The following RNF31 variants were observed in gnomAD, a reference collection of about 807,000 sequenced individuals.
RNF31 encodes ring finger protein 31.
RNF31 carries 38 observed loss-of-function variants against 133.6 expected under a neutral mutation model. That is an observed-to-expected ratio of 0.28 (90% CI 0.22 to 0.37). RNF31 has a LOEUF of 0.37. Ranked by LOEUF, RNF31 falls within the 10% of genes least tolerant of loss-of-function variation. The pLI is 1.00. For missense variants in RNF31, 1,118 were observed against 1,394.1 expected (o/e 0.80, Z 3.15); for synonymous variants, 582 against 552.3 (o/e 1.05, Z -0.75).
At chr14:24,159,812 C>T (rs1375247160) in intron 18 of RNF31, 52 bp from the exon 19 acceptor site, 1 of 1,450,072 alleles carries the variant, frequency 6.9e-7, no homozygotes, top group Non-Finnish European at 9.7e-7. Flanking sequence ...AGTTCTGGAG[C>T]TTTGTGGTCA....
chr14:24,151,707 A>G lies in RNF31; in HGVS notation c.1923+37A>G, dbSNP rs906915698. The G allele has an allele frequency of 6.2e-7, 1 of 1,604,536 alleles. No homozygotes were observed. Among genetic ancestry groups the G allele is most frequent in the Non-Finnish European group, 8.5e-7 (1 of 1,176,590 alleles). ...AGGCAAGAAGCCCAAGGGTCCACCT[A>G]GAGGAGCAAGAGGGAGCTGAGGGGA... On this transcript the variant is annotated intron_variant, in intron 10 of 20. Transcript: ENST00000324103. The surrounding 1 kb of genome is among the most constrained non-coding windows in gnomAD (Gnocchi z 5.3).
chr14:24,146,894 A>T (rs2038172785), upstream of RNF31: 3 of 491,654 alleles, frequency 6.1e-6, no homozygotes, highest in South Asian at 6.9e-5. Context: ...GCCAACTGGA[A>T]GTCCAGGGTT....
At position 24,157,887 on chromosome 14, in the gene RNF31, G is replaced by A. The variant is rs761228055; in HGVS notation, c.2728-11G>A. ...CTCCAACTTCCTCTCTCCCATCTGG[G>A]TTTCTGCCAGAAATGTCCAGAGCCT... On this transcript the variant is annotated splice_polypyrimidine_tract_variant and intron_variant, in intron 16 of 20. Coordinates refer to ENST00000324103, the MANE Select transcript of RNF31 (RefSeq NM_017999.5). 1.2e-6 allele frequency: 2 copies of A among 1,611,782 alleles called. No homozygotes were observed. Among genetic ancestry groups the A allele is most frequent in the Admixed American group, 3.3e-5 (2 of 59,966 alleles).
intron 18 of RNF31, chr14:24,158,861 A>G (rs62001568): frequency 0.19 from 27,792 of 149,622 alleles, 4,263 homozygotes; most frequent in African/African-American, 0.42. Context: ...GTGAAACCCC[A>G]TCTCTACTAA....
Position 24,157,950 on chromosome 14 carries a change from C to G in RNF31, c.2780C>G (p.Pro927Arg). The stretch of plus-strand genomic sequence containing the variant: ...AAAAAGTCCCTGCACGGCCACCACC[C>G]TCGAGACTGCCTCTTCTACCTGCGG... The part of the protein sequence containing the change: ...RVKKSLHGHH[P>R]RDCLFYLRDW... Residue 927 changes from proline to arginine, a missense_variant, in exon 17 of 21, where the codon CCT becomes CGT. Pro to Arg is a moderately radical substitution (Grantham distance 103, BLOSUM62 -2). Around this residue, in one of 3 missense-constraint regions of RNF31, gnomAD observed 170 missense variants for 194.5 expected, o/e 0.87. Transcript: ENST00000324103. The G allele has an allele frequency of 6.2e-7, 1 of 1,614,208 alleles. No homozygotes were observed. Among genetic ancestry groups the G allele is most frequent in the South Asian group, 1.1e-5 (1 of 91,090 alleles).
Position 24,155,309 on chromosome 14 carries a change from C to G in RNF31, c.2283C>G (p.Tyr761Ter). ...DLTDDTQLLSYFSTLDIQLRE... is the reference protein window; with the variant it reads ...DLTDDTQLLS Reference sequence around the variant, plus strand: ...CCGATGACACACAGTTGCTCAGCTACTTCTCTACCCTTGACATCCAGGTAC... The same window carrying G: ...CCGATGACACACAGTTGCTCAGCTAGTTCTCTACCCTTGACATCCAGGTAC... Residue 761 changes from tyrosine (Y) to a stop codon, truncating the protein, a stop_gained, in exon 12 of 21, where the codon TAC (tyrosine) becomes TAG (stop). Transcript: ENST00000324103. LOFTEE classifies it high-confidence loss of function. This position sits in a 1 kb window ranked among gnomAD's most constrained non-coding sequence, Gnocchi z 4.9. 6.2e-7 allele frequency: 1 copy of G among 1,614,226 alleles called. No individual in the cohort carries two copies. Among genetic ancestry groups the G allele is most frequent in the South Asian group, 1.1e-5 (1 of 91,082 alleles).
rs758681145 is a variant in RNF31 at position 24,150,847 on chromosome 14, A to G, written c.1447A>G (p.Lys483Glu). 6.4e-7 allele frequency: 1 copy of G among 1,569,518 alleles called. No individual in the cohort carries two copies. The change falls in exon 8 of 21, where the codon AAG becomes GAG. Residue 483 changes from lysine to glutamate, a missense_variant. Lys to Glu is a moderately conservative substitution (Grantham distance 56). Coordinates refer to ENST00000324103, the MANE Select transcript of RNF31 (RefSeq NM_017999.5). ...AGATCCTGAGAAGCAGCGCCAAGACAAGATGCGGGAAGAAGGCCTCCAGCT... is the reference window on the plus strand; with the variant it reads ...AGATCCTGAGAAGCAGCGCCAAGACGAGATGCGGGAAGAAGGCCTCCAGCT... ...CGDPEKQRQD[K>E]MREEGLQLVS...
chr14:24,160,132 T>C lies in RNF31; in HGVS notation c.2997-107T>C, dbSNP rs2038422760. ...TAGTAGCAGGCAGTGTGGGCACAGG[T>C]GGGTTGTTAATCTTGTTCGTCCAGG... On this transcript the variant is annotated intron_variant, in intron 19 of 20. Coordinates refer to ENST00000324103, the MANE Select transcript of RNF31 (RefSeq NM_017999.5). This position sits in a 1 kb window ranked among gnomAD's most constrained non-coding sequence, Gnocchi z 4.0. 1.4e-6 allele frequency: 2 copies of C among 1,404,556 alleles called. No individual in the cohort carries two copies. Among genetic ancestry groups the C allele is most frequent in the South Asian group, 1.3e-5 (1 of 77,674 alleles). The allele number at this position is 1,404,556 out of a possible 1,614,324, so 87.0% of individuals were successfully genotyped here.
chr14:24,151,962 C>T lies in RNF31; in HGVS notation c.2100C>T (p.Ala700=), dbSNP rs369668951. ...GCCGCTTGCTTGCCCAGGAGTGTGC[C>T]GTGTGTGGCTGGGCCCTGCCCCACA... ...FLRRLLAQEC[A]VCGWALPHNR... The change falls in exon 11 of 21, where the codon GCC becomes GCT. Residue 700 remains alanine (A), a synonymous_variant. Coordinates refer to ENST00000324103, the MANE Select transcript of RNF31 (RefSeq NM_017999.5). This position sits in a 1 kb window ranked among gnomAD's most constrained non-coding sequence, Gnocchi z 5.3. 51 of 1,613,990 alleles carry T rather than the reference C, an allele frequency of 3.2e-5. No homozygotes were observed. The highest frequency in any genetic ancestry group is 1.6e-4 in the Middle Eastern group (1 of 6,082).
chr14:24,155,755 C>A lies in RNF31; in HGVS notation c.2493+63C>A. On this transcript the variant is annotated intron_variant, in intron 14 of 20. Transcript: ENST00000324103. The surrounding 1 kb of genome is among the most constrained non-coding windows in gnomAD (Gnocchi z 4.9). ...CTACTGCCAGGTACTGTGTTAGACTCAGGGGAGTTTGTGTACTGGAGAGCA... is the reference window on the plus strand; with the variant it reads ...CTACTGCCAGGTACTGTGTTAGACTAAGGGGAGTTTGTGTACTGGAGAGCA... 1.4e-6 allele frequency: 2 copies of A among 1,470,090 alleles called. No individual in the cohort carries two copies. Among genetic ancestry groups the A allele is most frequent in the Non-Finnish European group, 1.9e-6 (2 of 1,053,718 alleles). 91.1% of individuals were successfully genotyped at this position (1,470,090 alleles called of 1,614,324 possible).
chr14:24,150,770 C>G lies in RNF31; in HGVS notation c.1370C>G (p.Pro457Arg), dbSNP rs368952645. ...GCCAGCTCTTTGGAAAAGGGACCCCCCAAGCCTGGGCCCCCACGACGCCTT... is the reference window on the plus strand; with the variant it reads ...GCCAGCTCTTTGGAAAAGGGACCCCGCAAGCCTGGGCCCCCACGACGCCTT... ...PYASSLEKGP[P>R]KPGPPRRLSA... Residue 457 changes from proline (P) to arginine (R), a missense_variant, in exon 8 of 21, where the codon CCC (proline) becomes CGC (arginine). Pro to Arg is a moderately radical substitution (Grantham distance 103). Transcript: ENST00000324103. The G allele has an allele frequency of 1.9e-6, 3 of 1,612,260 alleles. No individual in the cohort carries two copies. Among genetic ancestry groups the G allele is most frequent in the Non-Finnish European group, 2.5e-6 (3 of 1,178,952 alleles).
At chr14:24,159,598 A>C (rs1019418138) in intron 18 of RNF31, among the ~76,000 whole-genome samples, 2 of 151,334 alleles carry the variant, frequency 1.3e-5, no homozygotes, top group Non-Finnish European at 3.0e-5. Context: ...AAAAAAAAAA[A>C]AAAAAAAACA....
intron 18 of RNF31, 102 bp from the exon 19 acceptor site, chr14:24,159,762 C>T: frequency 1.1e-6 from 1 of 893,868 alleles, no homozygotes; most frequent in Non-Finnish European, 1.8e-6. Flanking sequence ...GTGCTCGGTC[C>T]CTTCCTTGGA....
In RNF31 at chr14:24,150,624, C is replaced by T. The variant is rs1243163543; in HGVS notation, c.1224C>T (p.Ala408=). 2 of 1,613,016 alleles carry T rather than the reference C, an allele frequency of 1.2e-6. No individual in the cohort carries two copies. The highest frequency in any genetic ancestry group is 2.7e-5 in the African/African-American group (2 of 74,894). ...LQQGDALLAS[A]QSQVWYCIHC... is the part of the protein sequence containing the mutation. ...AGGGGGATGCTTTGCTGGCCTCTGC[C>T]CAGAGTCAAGTCTGGTACTGTATTC... The change falls in exon 8 of 21, where the codon GCC becomes GCT. Residue 408 remains alanine (A), a synonymous_variant. Transcript: ENST00000324103.
chr14:24,155,145 C>A lies in RNF31; in HGVS notation c.2131-12C>A, dbSNP rs1236393545. ...CTTCTGACCCCCTCCCCTCCAACCCCTCACCCTCCAGATGCAGGCCCTGAC... is the reference window on the plus strand; with the variant it reads ...CTTCTGACCCCCTCCCCTCCAACCCATCACCCTCCAGATGCAGGCCCTGAC... On this transcript the variant is annotated splice_polypyrimidine_tract_variant and intron_variant, in intron 11 of 20. Transcript: ENST00000324103. The surrounding 1 kb of genome is among the most constrained non-coding windows in gnomAD (Gnocchi z 4.9). 43 of 1,612,392 alleles carry A rather than the reference C, an allele frequency of 2.7e-5. No homozygotes were observed. The highest frequency in any genetic ancestry group is 3.6e-5 in the Non-Finnish European group (42 of 1,178,578).
At position 24,150,189 on chromosome 14, in the gene RNF31, A is replaced by G. The variant is rs2139078983; in HGVS notation, c.938A>G (p.Asn313Ser). Residue 313 changes from asparagine to serine, a missense_variant, in exon 7 of 21, where the codon AAT becomes AGT. By Grantham distance (46) the Asn-to-Ser change is conservative. This residue lies in a region of RNF31 where 747 missense variants were observed against 827.9 expected (regional missense o/e 0.90). Coordinates refer to ENST00000324103, the MANE Select transcript of RNF31 (RefSeq NM_017999.5). ...CACTGTGCTGCCTGTGCCATGCTAA[A>G]TGAGCCTTGGGCAGTGCTCTGTGTG... is the stretch of plus-strand genomic sequence containing the variant. Reference protein sequence around the residue: ...PWHCAACAMLNEPWAVLCVAC... With the variant: ...PWHCAACAMLSEPWAVLCVAC... 1 of 1,614,144 alleles carries G rather than the reference A, an allele frequency of 6.2e-7. No homozygotes were observed. Among genetic ancestry groups the G allele is most frequent in the Non-Finnish European group, 8.5e-7 (1 of 1,180,000 alleles).
chr14:24,157,347 A>C lies in RNF31; in HGVS notation c.2551A>C (p.Asn851His). The C allele has an allele frequency of 6.2e-7, 1 of 1,612,690 alleles. No individual in the cohort carries two copies. Among genetic ancestry groups the C allele is most frequent in the East Asian group, 2.2e-5 (1 of 44,842 alleles). The change falls in exon 15 of 21, where the codon AAC becomes CAC. Residue 851 changes from asparagine (N) to histidine (H), a missense_variant. Asn to His is a moderately conservative substitution (Grantham distance 68). Transcript: ENST00000324103. ...CEDFQNWKRM[N>H]DPEYQAQGLA... Reference sequence around the variant, plus strand: ...GGACTTCCAGAACTGGAAACGCATGAACGACCCAGAATACCAGGCCCAGGG... The same window carrying C: ...GGACTTCCAGAACTGGAAACGCATGCACGACCCAGAATACCAGGCCCAGGG...
intron 15 of RNF31, 48 bp from the exon 16 acceptor site, chr14:24,157,472 C>T (rs1222194446): frequency 1.9e-6 from 3 of 1,602,620 alleles, no homozygotes; most frequent in South Asian, 1.1e-5. Context: ...TTCCTGAGGG[C>T]CTTGAGTTGC....
In RNF31 at chr14:24,150,424, T is replaced by C; in HGVS notation, c.1173T>C (p.Ala391=). Residue 391 remains alanine, a synonymous_variant, in exon 7 of 21, where the codon GCT becomes GCC. Coordinates refer to ENST00000324103, the MANE Select transcript of RNF31 (RefSeq NM_017999.5). ...PPSLVVDSRD[A]GICLQPLQQG... ...GCTTGGTGGTGGATTCCCGAGATGC[T>C]GGCATTTGCCTGCAACCCCTTCAGG... 6.2e-7 allele frequency: 1 copy of C among 1,611,626 alleles called. No individual in the cohort carries two copies. Among genetic ancestry groups the C allele is most frequent in the South Asian group, 1.1e-5 (1 of 90,984 alleles).
Sources: gnomAD v4.1 joint callset for allele counts (sites outside exome capture counted in the v4.1 genomes callset) on GRCh38, gnomAD v4.1.1 for gene constraint, gnomAD v4.1.1 regional missense constraint, Gnocchi (gnomAD v3.1) non-coding constraint, MANE v1.5 for transcripts, NCBI Gene and HGNC (gene_info 2026-07-23, HGNC 2026-07-21) for gene names.